CHD4: variants seen among roughly 807,000 people sequenced by gnomAD.
CHD4 encodes the protein ATP-dependent chromatin remodeler CHD4.
In CHD4, 35 loss-of-function variants were observed where a neutral mutation model predicts 235.5. The ratio of observed to expected loss-of-function variants is 0.15; its 90% CI spans 0.11 to 0.20. The LOEUF is 0.20. Among genes scored for constraint, CHD4 ranks in the 10% least tolerant of loss-of-function variants. CHD4 has a pLI of 1.00. For missense variants in CHD4, 1,329 were observed against 2,432.3 expected (o/e 0.55, Z 9.54); for synonymous variants, 900 against 850.2 (o/e 1.06, Z -1.02).
intron 33 of CHD4, chr12:6,579,313 G>C (rs1012169051): frequency 3.8e-6 from 1 of 263,312 alleles, no homozygotes. Flanking sequence ...AGCCAGGCGT[G>C]GTGGCTCACA....
Position 6,581,743 on chromosome 12 carries a change from C to T in CHD4, c.4587G>A (p.Lys1529=), listed in dbSNP as rs34863790. 36,469 of 1,600,624 alleles carry T rather than the reference C, an allele frequency of 0.023. 594 individuals carry two copies. Among genetic ancestry groups the T allele is most frequent in the Admixed American group, 0.074 (4,362 of 58,680 alleles). Residue 1529 remains lysine, a synonymous_variant, in exon 31 of 40, where the codon AAG becomes AAA. Coordinates refer to ENST00000544040, the MANE Select transcript of CHD4 (RefSeq NM_001273.5). ...GGGAGGGTGACCCTGGCTGGGACAT[C>T]TTCTTGTTTTCCTCCACCTCAGCCA... The part of the protein sequence containing the change: ...PELAEVEENK[K]MSQPGSPSPK...
intron 12 of CHD4, among the ~76,000 whole-genome samples, chr12:6,596,771 G>T (rs11064275): frequency 0.13 from 19,779 of 151,646 alleles, 1,461 homozygotes; most frequent in South Asian, 0.18. Context: ...CTGCACTCCA[G>T]CCTGGGCGAC....
At chr12:6,601,905 G>A (rs759061062) in intron 4 of CHD4, 55 bp downstream of exon 4, 24 of 1,594,924 alleles carry the variant, frequency 1.5e-5, no homozygotes, top group Admixed American at 3.3e-5. Context: ...AGGTGTCTAG[G>A]AAACAAAAAG....
chr12:6,574,574 T>TA (rs1194863787), intron 37 of CHD4, among the ~76,000 whole-genome samples: 1 of 152,234 alleles, frequency 6.6e-6, no homozygotes, highest in Non-Finnish European at 1.5e-5. Context: ...TCTCCTCTCC[T>TA]AGTGTCAGCC....
At chr12:6,602,314 A>G (rs1948611212) in intron 3 of CHD4, 62 bp downstream of exon 3, 3 of 1,608,638 alleles carry the variant, frequency 1.9e-6, no homozygotes, top group African/African-American at 1.3e-5. Flanking sequence ...CAGCCCTTCA[A>G]CCCTTCTCAG....
intron 38 of CHD4, 92 bp from the exon 39 acceptor site, chr12:6,571,124 A>G: frequency 7.0e-7 from 1 of 1,434,036 alleles, no homozygotes; most frequent in South Asian, 1.3e-5. Flanking sequence ...CTTCTCAGTG[A>G]CCAAGTAACT....
intron 25 of CHD4, chr12:6,584,388 G>C (rs1459110874): frequency 6.6e-6 from 1 of 152,162 alleles, no homozygotes; most frequent in Non-Finnish European, 1.5e-5. Context: ...AGATACGTGT[G>C]TGTACATATA....
In CHD4 at chr12:6,592,503, C is replaced by G; in HGVS notation, c.2838G>C (p.Leu946=). ...DIAKEDQIKK[L]HDMLGPHMLR... Reference sequence around the variant, plus strand: ...ACATGTGCGGCCCCAGCATGTCATGCAGTTTTTTTATCTGGTCCTCCTTGG... The same window carrying G: ...ACATGTGCGGCCCCAGCATGTCATGGAGTTTTTTTATCTGGTCCTCCTTGG... Residue 946 remains leucine (L), a synonymous_variant, in exon 19 of 40, where the codon CTG becomes CTC. Coordinates refer to ENST00000544040, the MANE Select transcript of CHD4 (RefSeq NM_001273.5). 1 of 1,611,344 alleles carries G rather than the reference C, an allele frequency of 6.2e-7. No homozygotes were observed. The highest frequency in any genetic ancestry group is 8.5e-7 in the Non-Finnish European group (1 of 1,177,606).
intron 8 of CHD4, 64 bp from the exon 9 acceptor site, chr12:6,600,459 C>CCCCCAAA: frequency 6.2e-7 from 1 of 1,605,140 alleles, no homozygotes; most frequent in Non-Finnish European, 8.5e-7. Context: ...CCCCCCGACC[C>CCCCCAAA]CTATCTCCTT....
chr12:6,582,535 C>T, intron 29 of CHD4, 80 bp downstream of exon 29: 1 of 1,522,078 alleles, frequency 6.6e-7, no homozygotes, highest in Non-Finnish European at 8.8e-7. Context: ...CCCTGCACGG[C>T]TAGGCCTAGA....
At chr12:6,594,677 A>G in intron 14 of CHD4, 27 bp from the exon 15 acceptor site, 1 of 1,600,024 alleles carries the variant, frequency 6.2e-7, no homozygotes, top group South Asian at 1.1e-5. Flanking sequence ...AGAAGTCAAG[A>G]GCTGGCAAGG....
chr12:6,571,206 C>G lies in CHD4; in HGVS notation c.5558-174G>C. 3 of 695,210 alleles carry G rather than the reference C, an allele frequency of 4.3e-6. No homozygotes were observed. In the East Asian group the frequency reaches 8.3e-5, roughly 19 times the overall value. 43.1% of individuals were successfully genotyped at this position (695,210 alleles called of 1,614,324 possible). A position where few individuals can be genotyped will look rare whatever the true frequency, so the allele number is the denominator to read the frequency against. ...AATTCCTACTCCTCATATTCCAGTT[C>G]CAACTGTCCATGATTTTGTGCTTTT... On this transcript the variant is annotated intron_variant, in intron 38 of 39. Transcript: ENST00000544040.
intron 1 of CHD4, 176 bp downstream of exon 1, chr12:6,607,124 G>C (rs1232488274): frequency 6.6e-6 from 1 of 152,398 alleles, no homozygotes; most frequent in Non-Finnish European, 1.5e-5. Context: ...GTTAGGGCGG[G>C]GGCTGGGGAG....
intron 2 of CHD4, among the ~76,000 whole-genome samples, chr12:6,604,955 C>T (rs1592286046): frequency 6.6e-6 from 1 of 152,108 alleles, no homozygotes; most frequent in Admixed American, 6.5e-5. Flanking sequence ...GTCCCCTTAC[C>T]AGCACCACAA....
chr12:6,594,985 C>T (rs1207472966), intron 14 of CHD4, among the ~76,000 whole-genome samples: 2 of 152,088 alleles, frequency 1.3e-5, no homozygotes, highest in East Asian at 1.9e-4. Context: ...ACTTTAATCA[C>T]CCTCAAATTA....
chr12:6,600,763 A>T (rs886094248), intron 7 of CHD4, 94 bp from the exon 8 acceptor site: 2 of 1,542,858 alleles, frequency 1.3e-6, no homozygotes, highest in African/African-American at 2.8e-5. Context: ...GGGACACCAG[A>T]ATCCCAGCAA....
In CHD4 at chr12:6,578,892, C is replaced by G. The variant is rs746260563; in HGVS notation, c.4935G>C (p.Glu1645Asp). ...PKGAADVEKVEEKSAIDLTPI... is the reference protein window; with the variant it reads ...PKGAADVEKVDEKSAIDLTPI... ...GGGTCAGATCTATTGCTGACTTTTC[C>G]TCCACCTTCTCTACATCAGCAGCAC... Residue 1645 changes from glutamate (E) to aspartate (D), a missense_variant, in exon 34 of 40, where the codon GAG (glutamate) becomes GAC (aspartate). Coordinates refer to ENST00000544040, the MANE Select transcript of CHD4 (RefSeq NM_001273.5). 1 of 1,614,202 alleles carries G rather than the reference C, an allele frequency of 6.2e-7. No individual in the cohort carries two copies. Among genetic ancestry groups the G allele is most frequent in the Non-Finnish European group, 8.5e-7 (1 of 1,180,028 alleles).
chr12:6,600,183 G>A (rs973282295), intron 9 of CHD4, 34 bp downstream of exon 9: 16 of 1,608,974 alleles, frequency 9.9e-6, no homozygotes, highest in Admixed American at 5.0e-5. Flanking sequence ...TTCTTCTCAT[G>A]GGTTCCAAGG....
Position 6,591,491 on chromosome 12 carries a change from C to A in CHD4, c.3315G>T (p.Arg1105=). The part of the protein sequence containing the change: ...RIDGGITGNM[R]QEAIDRFNAP... Reference sequence around the variant, plus strand: ...CATTGAAGCGGTCAATGGCCTCTTGCCGCATGTTCCCAGTGATTCCACCAT... The same window carrying A: ...CATTGAAGCGGTCAATGGCCTCTTGACGCATGTTCCCAGTGATTCCACCAT... Residue 1105 remains arginine (R), a synonymous_variant, in exon 22 of 40, where the codon CGG becomes CGT. Transcript: ENST00000544040. 1 of 1,614,122 alleles carries A rather than the reference C, an allele frequency of 6.2e-7. No individual in the cohort carries two copies.
Sources: allele counts gnomAD v4.1 joint callset (sites outside exome capture counted in the v4.1 genomes callset), GRCh38; gene constraint gnomAD v4.1.1; transcripts MANE v1.5; gene names NCBI Gene and HGNC (gene_info 2026-07-23, HGNC 2026-07-21).